FER: variants seen among roughly 807,000 people sequenced by gnomAD.
FER encodes the protein tyrosine-protein kinase Fer.
FER carries 63 observed loss-of-function variants against 111.0 expected under a neutral mutation model. The ratio of observed to expected loss-of-function variants is 0.57; its 90% CI spans 0.46 to 0.70. FER has a LOEUF of 0.70. Among genes scored for constraint, FER ranks in the 30% least tolerant of loss-of-function variants. The probability of loss-of-function intolerance (pLI) is 0.00; values close to 1 mark genes in which losing one functional copy is unlikely to be tolerated. For missense variants in FER, 914 were observed against 954.0 expected, an observed-to-expected ratio of 0.96 and a Z score of 0.55; for synonymous variants, 327 against 313.9, an observed-to-expected ratio of 1.04 and a Z score of -0.44.
intron 17 of FER, among the ~76,000 whole-genome samples, chr5:109,127,704 T>A (rs1413568536): frequency 6.6e-6 from 1 of 152,060 alleles, no homozygotes; most frequent in Non-Finnish European, 1.5e-5. Context: ...GTGCTTGGCC[T>A]CCATTTTTAT....
chr5:108,803,688 T>C (rs1320333778), intron 3 of FER, among the ~76,000 whole-genome samples: 2 of 152,046 alleles, frequency 1.3e-5, no homozygotes, highest in Non-Finnish European at 2.9e-5. Context: ...GTTCCATTGG[T>C]CTATGTGTCT....
chr5:109,181,637 A>ATTCT (rs1758304120), intron 18 of FER, among the ~76,000 whole-genome samples: 1 of 152,192 alleles, frequency 6.6e-6, no homozygotes, highest in Admixed American at 6.5e-5. Flanking sequence ...ATGTAAAATG[A>ATTCT]TTCTTTGTTG....
At chr5:109,053,266 T>G (rs947843863) in intron 16 of FER, among the ~76,000 whole-genome samples, 2 of 150,816 alleles carry the variant, frequency 1.3e-5, no homozygotes, top group African/African-American at 4.9e-5. Context: ...CTGTGTAATC[T>G]CAGCTACTTG....
At chr5:108,777,945 T>C (rs1237371974) in intron 2 of FER, among the ~76,000 whole-genome samples, 3 of 152,188 alleles carry the variant, frequency 2.0e-5, no homozygotes, top group East Asian at 3.9e-4. Context: ...CATGTGGGAA[T>C]TATGGGAGCT....
chr5:108,811,354 G>C (rs925398251), intron 3 of FER, among the ~76,000 whole-genome samples: 3 of 152,130 alleles, frequency 2.0e-5, no homozygotes, highest in Non-Finnish European at 4.4e-5. Context: ...ATTTTGCCAT[G>C]GATCTCTTCG....
chr5:109,092,311 A>C (rs1414253868), intron 16 of FER, among the ~76,000 whole-genome samples: 5 of 111,780 alleles, frequency 4.5e-5, no homozygotes, highest in African/African-American at 1.6e-4. Context: ...AAAAAAAAAA[A>C]CATCAGAGGG....
At chr5:109,151,329 TATGCAGTATATTAA>T (rs1455546710) in intron 17 of FER, among the ~76,000 whole-genome samples, 1 of 152,132 alleles carries the variant, frequency 6.6e-6, no homozygotes, top group Non-Finnish European at 1.5e-5. Context: ...TTCTGCTTTA[TATGCAGTATATTAA>T]ATTTTCACTC....
intron 12 of FER, among the ~76,000 whole-genome samples, chr5:108,955,966 G>A (rs535275103): frequency 1.3e-5 from 2 of 151,570 alleles, no homozygotes; most frequent in South Asian, 4.1e-4. Context: ...TTTACATCTC[G>A]TAGTTATAGC....
intron 3 of FER, among the ~76,000 whole-genome samples, chr5:108,818,937 A>G (rs1296141344): frequency 6.6e-6 from 1 of 152,216 alleles, no homozygotes; most frequent in Non-Finnish European, 1.5e-5. Flanking sequence ...TTAATGATTA[A>G]GTACTAAATA....
chr5:109,159,874 T>C (rs553477149), intron 17 of FER, among the ~76,000 whole-genome samples: 2 of 152,162 alleles, frequency 1.3e-5, no homozygotes, highest in African/African-American at 4.8e-5. Flanking sequence ...ACTAAGCAGA[T>C]GATCTGCACT....
intron 3 of FER, among the ~76,000 whole-genome samples, chr5:108,802,347 T>C (rs1028760444): frequency 6.6e-6 from 1 of 152,174 alleles, no homozygotes; most frequent in Admixed American, 6.5e-5. Context: ...ACATTTTAAA[T>C]TGTTAAAAAA....
At chr5:108,787,441 G>A (rs1344790915) in intron 2 of FER, among the ~76,000 whole-genome samples, 1 of 152,188 alleles carries the variant, frequency 6.6e-6, no homozygotes, top group East Asian at 1.9e-4. Context: ...AAAGGGGTGG[G>A]TCCCTGGTGA....
chr5:108,955,864 T>C (rs1385359530), intron 12 of FER, among the ~76,000 whole-genome samples: 1 of 151,746 alleles, frequency 6.6e-6, no homozygotes, highest in Non-Finnish European at 1.5e-5. Flanking sequence ...TCTTAATAAG[T>C]TTATATATAT....
At chr5:108,876,669 A>G (rs1160758864) in intron 8 of FER, among the ~76,000 whole-genome samples, 1 of 152,216 alleles carries the variant, frequency 6.6e-6, no homozygotes, top group Non-Finnish European at 1.5e-5. Flanking sequence ...CACTGAATAT[A>G]CTTAATTAAA....
chr5:108,964,767 G>A (rs1259925867), intron 13 of FER, among the ~76,000 whole-genome samples: 2 of 152,132 alleles, frequency 1.3e-5, no homozygotes, highest in Non-Finnish European at 2.9e-5. Context: ...TACTGGTAGT[G>A]AATTTCAAGG....
At chr5:108,815,666 C>G (rs1047894877) in intron 3 of FER, among the ~76,000 whole-genome samples, 10 of 151,922 alleles carry the variant, frequency 6.6e-5, no homozygotes, top group Non-Finnish European at 1.5e-4. Context: ...TCAAATGATG[C>G]AAGGTACTTA....
intron 10 of FER, chr5:108,924,743 T>C: frequency 8.1e-7 from 1 of 1,232,124 alleles, no homozygotes; most frequent in Non-Finnish European, 1.0e-6. Flanking sequence ...ACATGTGCTT[T>C]AATGTTCAGC....
Position 108,973,688 on chromosome 5 carries a change from G to A in FER, c.1656+14341G>A, listed in dbSNP as rs193301132. Among the ~76,000 whole-genome samples, 67 of 152,174 alleles carry A rather than the reference G, an allele frequency of 4.4e-4. 1 individual carries two copies. The highest frequency in any genetic ancestry group is 1.5e-3 in the African/African-American group (62 of 41,534). ...GTTACAATTTCTTATGTGTCTCTTA[G>A]TAATCAAGGATCCTCATCTTCACAC... On this transcript the variant is annotated intron_variant, in intron 13 of 19. Transcript: ENST00000281092.
chr5:108,857,342 T>G (rs1039726129), intron 5 of FER, among the ~76,000 whole-genome samples: 4 of 152,068 alleles, frequency 2.6e-5, no homozygotes, highest in Non-Finnish European at 4.4e-5. Context: ...TGCATAATAT[T>G]TATTTATTTT....
Sources: allele counts gnomAD v4.1 joint callset (sites outside exome capture counted in the v4.1 genomes callset), GRCh38; gene constraint gnomAD v4.1.1; transcripts MANE v1.5; gene names NCBI Gene and HGNC (gene_info 2026-07-23, HGNC 2026-07-21).